The following CDH18 variants were observed in gnomAD, a reference collection of about 807,000 sequenced individuals.
The protein encoded by CDH18 is cadherin-18.
CDH18 carries 31 observed loss-of-function variants against 67.9 expected under a neutral mutation model. That is an observed-to-expected ratio of 0.46 (90% CI 0.34 to 0.62). The LOEUF (loss-of-function observed/expected upper bound fraction) is 0.62. Ranked by LOEUF, CDH18 falls within the 20% of genes least tolerant of loss-of-function variation. The pLI is 0.01. For missense variants in CDH18, 890 were observed against 975.5 expected, an observed-to-expected ratio of 0.91 and a Z score of 1.17; for synonymous variants, 362 against 347.2, an observed-to-expected ratio of 1.04 and a Z score of -0.48.
At chr5:19,854,819 T>C (rs1784084461) in intron 2 of CDH18, among the ~76,000 whole-genome samples, 1 of 152,028 alleles carries the variant, frequency 6.6e-6, no homozygotes, top group South Asian at 2.1e-4. Context: ...TACTAGATCG[T>C]ATTCATTCTA....
intron 3 of CDH18, among the ~76,000 whole-genome samples, chr5:19,765,264 G>A (rs760420512): frequency 6.6e-6 from 1 of 152,154 alleles, no homozygotes; most frequent in Non-Finnish European, 1.5e-5. Flanking sequence ...TTAGCTCAGT[G>A]AGCAAGTAAG....
At chr5:20,431,071 G>A (rs967323814) in intron 1 of CDH18, among the ~76,000 whole-genome samples, 2 of 152,072 alleles carry the variant, frequency 1.3e-5, no homozygotes, top group African/African-American at 4.8e-5. Context: ...CTATTTTATA[G>A]TGAAATCTAC....
At chr5:20,197,904 C>T (rs1204938985) in intron 2 of CDH18, among the ~76,000 whole-genome samples, 1 of 152,046 alleles carries the variant, frequency 6.6e-6, no homozygotes, top group African/African-American at 2.4e-5. Context: ...AAGGGCGGGA[C>T]CAGGTGGAGA....
At chr5:20,504,084 A>G (rs1339550011) in intron 1 of CDH18, among the ~76,000 whole-genome samples, 1 of 152,020 alleles carries the variant, frequency 6.6e-6, no homozygotes, top group Non-Finnish European at 1.5e-5. Flanking sequence ...CTGCTACAAA[A>G]TTATTTATGG....
intron 4 of CDH18, among the ~76,000 whole-genome samples, chr5:19,734,892 A>C (rs1768097149): frequency 6.6e-6 from 1 of 152,200 alleles, no homozygotes; most frequent in Admixed American, 6.5e-5. Flanking sequence ...ATCTAAGTGT[A>C]AGTTATATTG....
intron 6 of CDH18, among the ~76,000 whole-genome samples, chr5:19,605,938 T>C (rs928908836): frequency 1.2e-4 from 18 of 152,160 alleles, no homozygotes; most frequent in Admixed American, 7.2e-4. Flanking sequence ...GTGGTAATTG[T>C]AGACACATCC....
At position 19,736,963 on chromosome 5, in the gene CDH18, CAAG is replaced by C. The variant is rs551072234; in HGVS notation, c.523+9976_523+9978del. ...TGGCTGAGAGAAACTCAGAGGATTT[CAAG>C]AAGATGTGCAATTATGACAGAGAGA... On this transcript the variant is annotated intron_variant, in intron 4 of 12. Coordinates refer to ENST00000382275, the MANE Select transcript of CDH18 (RefSeq NM_004934.5). Among the ~76,000 whole-genome samples, 767 of 152,256 alleles carry C rather than the reference CAAG, an allele frequency of 5.0e-3. 6 individuals carry two copies. Among genetic ancestry groups the C allele is most frequent in the Non-Finnish European group, 8.1e-3 (548 of 68,020 alleles).
intron 2 of CDH18, among the ~76,000 whole-genome samples, chr5:20,196,270 G>T (rs1267726411): frequency 6.7e-6 from 1 of 148,356 alleles, no homozygotes; most frequent in South Asian, 2.2e-4. Flanking sequence ...AATTTGATAG[G>T]CAATATTCTG....
At chr5:20,013,865 T>C (rs899396047) in intron 2 of CDH18, among the ~76,000 whole-genome samples, 4 of 152,148 alleles carry the variant, frequency 2.6e-5, no homozygotes, top group African/African-American at 9.6e-5. Context: ...TTGTTTTATA[T>C]AGCCAAGTAT....
At chr5:19,582,460 C>A (rs1561398086) in intron 7 of CDH18, among the ~76,000 whole-genome samples, 1 of 151,868 alleles carries the variant, frequency 6.6e-6, no homozygotes, top group East Asian at 1.9e-4. Flanking sequence ...AGATGAACAG[C>A]ATGAAAAATA....
intron 3 of CDH18, among the ~76,000 whole-genome samples, chr5:19,812,890 C>T (rs1778896306): frequency 6.6e-6 from 1 of 152,034 alleles, no homozygotes; most frequent in Non-Finnish European, 1.5e-5. Context: ...GGAACTAACC[C>T]AAATGCCCAT....
chr5:20,046,761 A>C (rs539930350), intron 2 of CDH18, among the ~76,000 whole-genome samples: 1 of 151,532 alleles, frequency 6.6e-6, no homozygotes, highest in Admixed American at 6.6e-5. Flanking sequence ...AGTAATAATG[A>C]AGGACTGAAT....
intron 3 of CDH18, among the ~76,000 whole-genome samples, chr5:19,829,864 G>C (rs1272429247): frequency 2.6e-5 from 4 of 152,150 alleles, no homozygotes; most frequent in African/African-American, 9.7e-5. Context: ...GAACAGAATA[G>C]AGAGGCCAGA....
chr5:19,886,541 T>A (rs1051139277), intron 2 of CDH18, among the ~76,000 whole-genome samples: 1 of 152,214 alleles, frequency 6.6e-6, no homozygotes, highest in Non-Finnish European at 1.5e-5. Context: ...AGGATGTTCC[T>A]GAGATTTGCT....
chr5:19,806,633 G>T (rs982343250), intron 3 of CDH18, among the ~76,000 whole-genome samples: 1 of 152,112 alleles, frequency 6.6e-6, no homozygotes. Context: ...CAGGGGAGTT[G>T]TCCTGAATTC....
intron 5 of CDH18, among the ~76,000 whole-genome samples, chr5:19,717,501 T>G (rs940381681): frequency 1.3e-5 from 2 of 152,082 alleles, no homozygotes; most frequent in South Asian, 2.1e-4. Context: ...CTAGTTCTTT[T>G]GTGTAGGAAT....
At chr5:20,128,061 C>T (rs1410432432) in intron 2 of CDH18, among the ~76,000 whole-genome samples, 9 of 152,114 alleles carry the variant, frequency 5.9e-5, no homozygotes, top group South Asian at 2.1e-4. Context: ...TATTGGCTCA[C>T]GCTAGTCTCC....
chr5:19,761,959 T>C (rs1222221074), intron 3 of CDH18, among the ~76,000 whole-genome samples: 3 of 152,138 alleles, frequency 2.0e-5, no homozygotes, highest in Non-Finnish European at 4.4e-5. Context: ...CCATCTGATA[T>C]TTGACAAACC....
intron 1 of CDH18, among the ~76,000 whole-genome samples, chr5:20,519,387 G>T (rs902630187): frequency 1.3e-5 from 2 of 151,906 alleles, no homozygotes; most frequent in African/African-American, 2.4e-5. Flanking sequence ...ACCAAACACC[G>T]CATGTTCTCA....
Sources: allele counts gnomAD v4.1 joint callset (sites outside exome capture counted in the v4.1 genomes callset), GRCh38; gene constraint gnomAD v4.1.1; transcripts MANE v1.5; gene names NCBI Gene and HGNC (gene_info 2026-07-23, HGNC 2026-07-21).